MIR2052HG: variants seen among roughly 807,000 people sequenced by gnomAD.
MIR2052HG encodes MIR2052 host gene.
intron 2 of MIR2052HG, among the ~76,000 whole-genome samples, chr8:74,674,984 C>G (rs1036983377): frequency 6.6e-6 from 1 of 151,878 alleles, no homozygotes; most frequent in Admixed American, 6.6e-5. Context: ...TTAACAGGTT[C>G]TAATTGCAGT....
intron 4 of MIR2052HG, among the ~76,000 whole-genome samples, chr8:74,750,638 G>A (rs1223426729): frequency 6.6e-6 from 1 of 152,162 alleles, no homozygotes; most frequent in Non-Finnish European, 1.5e-5. Context: ...GACAACTAAT[G>A]TCAAATTTAC....
chr8:74,724,646 T>C (rs116414325), intron 4 of MIR2052HG, among the ~76,000 whole-genome samples: 2,222 of 152,314 alleles, frequency 0.015, 53 homozygotes, highest in African/African-American at 0.047. Context: ...TGTAAAAAGA[T>C]GTGAATTTCA....
In MIR2052HG at chr8:74,746,714, G is replaced by A. The variant is rs919247402; in HGVS notation, n.372-5727G>A. ...GAGTGGAGAGAAGAGAGAGAAGATG[G>A]AGGAGCTTAATTTAGGATCAAGGCT... On this transcript the variant is annotated intron_variant and non_coding_transcript_variant, in intron 4 of 6. Transcript: ENST00000523442. 4.0e-5 allele frequency among the ~76,000 whole-genome samples: 6 copies of A among 151,756 alleles called. No homozygotes were observed. In the East Asian group the frequency reaches 1.2e-3, roughly 30 times the overall value.
chr8:74,701,768 T>G (rs1167695962), intron 2 of MIR2052HG, among the ~76,000 whole-genome samples: 1 of 152,140 alleles, frequency 6.6e-6, no homozygotes, highest in African/African-American at 2.4e-5. Flanking sequence ...AGGATTTAAC[T>G]TCTATGGTGC....
intron 4 of MIR2052HG, among the ~76,000 whole-genome samples, chr8:74,722,379 G>T (rs796209240): frequency 6.6e-6 from 1 of 152,110 alleles, no homozygotes. Context: ...ATACAGATTT[G>T]AGAATTAATG....
intron 4 of MIR2052HG, among the ~76,000 whole-genome samples, chr8:74,745,108 G>A (rs1452337498): frequency 6.6e-6 from 1 of 151,866 alleles, no homozygotes; most frequent in African/African-American, 2.4e-5. Flanking sequence ...AAAAAAATGT[G>A]AAAAAATGAA....
chr8:74,641,662 T>G (rs545305044), intron 2 of MIR2052HG, among the ~76,000 whole-genome samples: 11 of 152,190 alleles, frequency 7.2e-5, no homozygotes, highest in Non-Finnish European at 1.0e-4. Context: ...CATGGGGTTT[T>G]TTTTGGTAAG....
chr8:74,684,953 C>A (rs538363904), intron 2 of MIR2052HG, among the ~76,000 whole-genome samples: 2 of 151,974 alleles, frequency 1.3e-5, no homozygotes, highest in African/African-American at 4.8e-5. Context: ...GACTTTACAG[C>A]GAGACAAATC....
At chr8:74,735,988 G>T (rs1809741029) in intron 4 of MIR2052HG, among the ~76,000 whole-genome samples, 3 of 152,090 alleles carry the variant, frequency 2.0e-5, no homozygotes, top group African/African-American at 4.8e-5. Flanking sequence ...AAAATTTAAT[G>T]ATATCTTTGC....
intron 2 of MIR2052HG, among the ~76,000 whole-genome samples, chr8:74,617,456 G>GGGGT (rs935185281): frequency 4.1e-5 from 6 of 147,294 alleles, no homozygotes; most frequent in African/African-American, 1.5e-4. Context: ...TATTCCATTG[G>GGGGT]GTGTGTGTGT....
At chr8:74,683,609 A>G (rs1165471771) in intron 2 of MIR2052HG, among the ~76,000 whole-genome samples, 2 of 152,090 alleles carry the variant, frequency 1.3e-5, no homozygotes, top group Admixed American at 1.3e-4. Flanking sequence ...ATGAATCTGT[A>G]ATGTTCCTTT....
chr8:74,747,818 C>A (rs919806205), intron 4 of MIR2052HG, among the ~76,000 whole-genome samples: 2 of 152,096 alleles, frequency 1.3e-5, no homozygotes, highest in Non-Finnish European at 2.9e-5. Context: ...GTTCTATGTC[C>A]TTTTCAATCT....
At chr8:74,694,005 G>A (rs1228607046) in intron 2 of MIR2052HG, among the ~76,000 whole-genome samples, 1 of 152,120 alleles carries the variant, frequency 6.6e-6, no homozygotes, top group Non-Finnish European at 1.5e-5. Flanking sequence ...TACTATTGCA[G>A]CTGATGCTCT....
chr8:74,658,852 C>T (rs930708770), intron 2 of MIR2052HG, among the ~76,000 whole-genome samples: 1 of 152,018 alleles, frequency 6.6e-6, no homozygotes, highest in Non-Finnish European at 1.5e-5. Flanking sequence ...CATGTTTGCA[C>T]CAAGAAGGCC....
In MIR2052HG at chr8:74,690,221, T is replaced by G. The variant is rs114045514; in HGVS notation, n.217-12158T>G. 3.2e-3 allele frequency among the ~76,000 whole-genome samples: 481 copies of G among 152,338 alleles called. 1 individual carries two copies. The highest frequency in any genetic ancestry group is 0.011 in the African/African-American group (465 of 41,568). On this transcript the variant is annotated intron_variant and non_coding_transcript_variant, in intron 2 of 6. Transcript: ENST00000523442. Reference sequence around the variant, plus strand: ...GTGACTTATTATATGTTATGTTGAATGTCACAGAGTGATATGAGAATGTAG... The same window carrying G: ...GTGACTTATTATATGTTATGTTGAAGGTCACAGAGTGATATGAGAATGTAG...
At chr8:74,752,686 T>C (rs1809960359) in intron 5 of MIR2052HG, among the ~76,000 whole-genome samples, 1 of 152,194 alleles carries the variant, frequency 6.6e-6, no homozygotes, top group African/African-American at 2.4e-5. Context: ...CCTAGAAAAA[T>C]GCTAGATTGC....
chr8:74,613,733 C>G (rs1054214285), intron 2 of MIR2052HG, among the ~76,000 whole-genome samples: 8 of 152,170 alleles, frequency 5.3e-5, no homozygotes, highest in Admixed American at 5.2e-4. Context: ...GTGATCCACC[C>G]GACTCCGCCT....
At chr8:74,664,110 T>C (rs1210598605) in intron 2 of MIR2052HG, among the ~76,000 whole-genome samples, 2 of 151,878 alleles carry the variant, frequency 1.3e-5, no homozygotes, top group Non-Finnish European at 2.9e-5. Context: ...TAATGGACTT[T>C]GGAGACTCAG....
At chr8:74,701,444 C>T (rs1586917835) in intron 2 of MIR2052HG, among the ~76,000 whole-genome samples, 1 of 152,124 alleles carries the variant, frequency 6.6e-6, no homozygotes, top group East Asian at 1.9e-4. Flanking sequence ...TATTCCTTCT[C>T]CATACTCCGG....
Sources: gnomAD v4.1 joint callset for allele counts (sites outside exome capture counted in the v4.1 genomes callset) on GRCh38, gnomAD v4.1.1 for gene constraint, MANE v1.5 for transcripts, NCBI Gene and HGNC (gene_info 2026-07-23, HGNC 2026-07-21) for gene names.